Variants in CCDC183 observed in about 807,000 individuals in gnomAD.
CCDC183 encodes coiled-coil domain containing 183, also known as coiled-coil domain-containing protein 183.
Under a neutral mutation model 65.2 loss-of-function variants are expected in CCDC183, and 63 were observed. The observed-to-expected ratio is 0.97, with a 90% confidence interval of 0.79 to 1.19. The LOEUF (loss-of-function observed/expected upper bound fraction) is 1.19. CCDC183 is among the 50% of genes most tolerant of loss of function. The pLI, the probability that CCDC183 is intolerant of heterozygous loss-of-function variation, is 0.00. For missense variants in CCDC183, 769 were observed against 689.3 expected (o/e 1.12, Z -1.30); for synonymous variants, 323 against 276.5 (o/e 1.17, Z -1.67).
Position 136,807,034 on chromosome 9 carries a change from T to A in CCDC183, c.1454T>A (p.Ile485Asn), listed in dbSNP as rs76153658. 1 of 1,613,200 alleles carries A rather than the reference T, an allele frequency of 6.2e-7. No individual in the cohort carries two copies. Among genetic ancestry groups the A allele is most frequent in the African/African-American group, 1.3e-5 (1 of 74,832 alleles). ...STLMEKYNTR[I>N]SFENREEDMI... ...CTGATGGAGAAGTACAACACCAGGA[T>A]CAGCTTTGAGAACCGGGAGGAGGAT... The change falls in exon 13 of 14, where the codon ATC becomes AAC. Residue 485 changes from isoleucine (I) to asparagine (N), a missense_variant. Physicochemically the swap from Ile to Asn is moderately radical, Grantham distance 149 (BLOSUM62 -3). Coordinates refer to ENST00000338005, the MANE Select transcript of CCDC183 (RefSeq NM_001039374.5).
chr9:136,801,422 C>T (rs1043656675), intron 5 of CCDC183, among the ~76,000 whole-genome samples: 1 of 151,998 alleles, frequency 6.6e-6, no homozygotes, highest in African/African-American at 2.4e-5. Context: ...CAATTATTCC[C>T]GGCCTGGGCA....
Position 136,804,754 on chromosome 9 carries a change from C to T in CCDC183, c.793-8C>T. On this transcript the variant is annotated splice_region_variant and splice_polypyrimidine_tract_variant and intron_variant, in intron 7 of 13. Transcript: ENST00000338005. The surrounding 1 kb of genome is among the most constrained non-coding windows in gnomAD (Gnocchi z 4.1). ...TCTCATCCCTTCCCCGCCCCCACCT[C>T]CCATCAGGGCCAGATGGACTTGGAC... 6.2e-7 allele frequency: 1 copy of T among 1,613,576 alleles called. No individual in the cohort carries two copies. The highest frequency in any genetic ancestry group is 8.5e-7 in the Non-Finnish European group (1 of 1,179,672).
Position 136,800,134 on chromosome 9 carries a change from C to G in CCDC183, c.403C>G (p.Pro135Ala), listed in dbSNP as rs752641113. 3 of 1,541,456 alleles carry G rather than the reference C, an allele frequency of 1.9e-6. No individual in the cohort carries two copies. The highest frequency in any genetic ancestry group is 2.4e-5 in the East Asian group (1 of 41,134). ...GGAGCTGGACAGCCTGCGGAGCCAG[C>G]CCGACGCCAGCAAGGAGGAGCTGCG... ...QLELDSLRSQ[P>A]DASKEELRLL... The change falls in exon 4 of 14, where the codon CCC becomes GCC. Residue 135 changes from proline to alanine, a missense_variant. Physicochemically the swap from Pro to Ala is conservative, Grantham distance 27. Transcript: ENST00000338005.
At position 136,802,808 on chromosome 9, in the gene CCDC183, G is replaced by C. The variant is rs752331775; in HGVS notation, c.666+22G>C. 4.4e-5 allele frequency: 67 copies of C among 1,534,688 alleles called. 1 individual carries two copies. The Admixed American group carries it at 4.5e-4, about 10-fold the overall frequency. ...CAAGGTGAGCTCAGGGCCCAGGGCT[G>C]GGGGCCCCCCAGGGCCAGCCCTCTT... On this transcript the variant is annotated intron_variant, in intron 6 of 13. Transcript: ENST00000338005.
rs776848585 is a variant in CCDC183, at chr9:136,807,077, C to T, written c.1486+11C>T. 4 of 1,612,156 alleles carry T rather than the reference C, an allele frequency of 2.5e-6. No homozygotes were observed. Among genetic ancestry groups the T allele is most frequent in the Non-Finnish European group, 3.4e-6 (4 of 1,179,592 alleles). The stretch of plus-strand genomic sequence containing the variant: ...AGGAGGATATGATCGGTACAGGCCC[C>T]GGAACTGGGGCCCGGGCTGCAGGCG... On this transcript the variant is annotated intron_variant, in intron 13 of 13. Coordinates refer to ENST00000338005, the MANE Select transcript of CCDC183 (RefSeq NM_001039374.5).
At chr9:136,802,527 A>G in intron 5 of CCDC183, 137 bp from the exon 6 acceptor site, 2 of 1,242,012 alleles carry the variant, frequency 1.6e-6, no homozygotes, top group South Asian at 1.5e-5. Context: ...CGTTGTGCCC[A>G]GCGGGGAGTG....
Position 136,807,727 on chromosome 9 carries a change from A to G in CCDC183, c.*37A>G, listed in dbSNP as rs1288612464. On this transcript the variant is annotated 3_prime_UTR_variant, in exon 14 of 14. Coordinates refer to ENST00000338005, the MANE Select transcript of CCDC183 (RefSeq NM_001039374.5). ...CGCTCCCTGCTTTGCTACACAAATA[A>G]ACATTTTTCCAGGACTGCTGCGGAC... The G allele has an allele frequency of 4.5e-6, 7 of 1,571,456 alleles. No individual in the cohort carries two copies. Among genetic ancestry groups the G allele is most frequent in the Non-Finnish European group, 1.7e-6 (2 of 1,158,340 alleles).
intron 2 of CCDC183, chr9:136,799,466 G>A (rs1433882741): frequency 2.7e-6 from 2 of 749,140 alleles, no homozygotes; most frequent in Admixed American, 3.0e-5. Context: ...CCTGCAGCAG[G>A]GGCCCCCTCT....
chr9:136,802,562 G>A (rs552299105), intron 5 of CCDC183, 102 bp from the exon 6 acceptor site: 6 of 1,483,592 alleles, frequency 4.0e-6, no homozygotes, highest in South Asian at 2.7e-5. Flanking sequence ...GGCCACAGAG[G>A]AGAACCTATC....
At chr9:136,805,270 G>A in intron 8 of CCDC183, 87 bp from the exon 9 acceptor site, 1 of 1,096,656 alleles carries the variant, frequency 9.1e-7, no homozygotes. Flanking sequence ...CCCAGCAGCT[G>A]GGCAGGTACA....
rs971820692 is a variant in CCDC183 at position 136,804,277 on chromosome 9, C to T, written c.667-225C>T. The T allele has an allele frequency of 1.8e-6, 1 of 555,340 alleles. No homozygotes were observed. The highest frequency in any genetic ancestry group is 3.1e-6 in the Non-Finnish European group (1 of 319,586). 34.4% of individuals were successfully genotyped at this position (555,340 alleles called of 1,614,324 possible). ...CAGCTGGGGGCCAGCGGCTGGAGGG[C>T]AGCAGAGCGTCTGGGCTGGCACATG... On this transcript the variant is annotated intron_variant, in intron 6 of 13. Transcript: ENST00000338005. The surrounding 1 kb of genome is among the most constrained non-coding windows in gnomAD (Gnocchi z 4.1).
chr9:136,802,631 G>A (rs757756033), intron 5 of CCDC183, 33 bp from the exon 6 acceptor site: 68 of 1,589,848 alleles, frequency 4.3e-5, no homozygotes, highest in Non-Finnish European at 5.6e-5. Flanking sequence ...AGCCCACTCT[G>A]TAGGGGCCAC....
chr9:136,802,665 T>C lies in CCDC183; in HGVS notation c.545T>C (p.Val182Ala). The change falls in exon 6 of 14, where the codon GTG becomes GCG. Residue 182 changes from valine (V) to alanine (A), a missense_variant and splice_region_variant. Physicochemically the swap from Val to Ala is moderately conservative, Grantham distance 64 (BLOSUM62 0). Coordinates refer to ENST00000338005, the MANE Select transcript of CCDC183 (RefSeq NM_001039374.5). ...YLDLLDYLKT[V>A]LAGYPIELDK... ...ACAAGAGAACCCCATTCAACACAGG[T>C]GCTGGCAGGATACCCCATTGAGCTG... is the stretch of plus-strand genomic sequence containing the variant. 1 of 1,610,368 alleles carries C rather than the reference T, an allele frequency of 6.2e-7. No homozygotes were observed. The highest frequency in any genetic ancestry group is 8.5e-7 in the Non-Finnish European group (1 of 1,178,434).
At chr9:136,797,915 G>T (rs1158598357) in intron 1 of CCDC183, among the ~76,000 whole-genome samples, 1 of 152,226 alleles carries the variant, frequency 6.6e-6, no homozygotes, top group Non-Finnish European at 1.5e-5. Context: ...CCACCTCCCG[G>T]GTTCGAGCGA....
intron 1 of CCDC183, among the ~76,000 whole-genome samples, chr9:136,798,511 G>A (rs895739559): frequency 6.6e-6 from 1 of 151,928 alleles, no homozygotes; most frequent in Non-Finnish European, 1.5e-5. Context: ...TGGCCAGGCT[G>A]GTCTCGAACT....
At chr9:136,799,521 C>A in intron 2 of CCDC183, 192 bp from the exon 3 acceptor site, 1 of 669,414 alleles carries the variant, frequency 1.5e-6, no homozygotes. Flanking sequence ...CCTCTGCATA[C>A]CCCCCTACCA....
Position 136,804,234 on chromosome 9 carries a change from G to A in CCDC183, c.667-268G>A, listed in dbSNP as rs1473635452. ...CTGAATGCACTTCCGTGAGTTCTAGGTGGACCTGGCCAGGAGGCAGCTGGG... is the reference window on the plus strand; with the variant it reads ...CTGAATGCACTTCCGTGAGTTCTAGATGGACCTGGCCAGGAGGCAGCTGGG... On this transcript the variant is annotated intron_variant, in intron 6 of 13. Transcript: ENST00000338005. The surrounding 1 kb of genome is among the most constrained non-coding windows in gnomAD (Gnocchi z 4.1). 1 of 464,718 alleles carries A rather than the reference G, an allele frequency of 2.2e-6. No individual in the cohort carries two copies. Among genetic ancestry groups the A allele is most frequent in the Non-Finnish European group, 4.0e-6 (1 of 252,402 alleles). 28.8% of individuals were successfully genotyped at this position (464,718 alleles called of 1,614,324 possible). A position where few individuals can be genotyped will look rare whatever the true frequency, so the allele number is the denominator to read the frequency against.
chr9:136,806,314 C>T, intron 10 of CCDC183, 76 bp downstream of exon 10: 2 of 1,481,662 alleles, frequency 1.3e-6, no homozygotes, highest in South Asian at 2.6e-5. Flanking sequence ...AGGCTGGGAG[C>T]TGGGAGTATA....
intron 5 of CCDC183, 55 bp from the exon 6 acceptor site, chr9:136,802,609 C>G: frequency 6.5e-7 from 1 of 1,546,804 alleles, no homozygotes; most frequent in Non-Finnish European, 8.7e-7. Flanking sequence ...GATAAAAGCT[C>G]GGGGCAACTG....
Sources: gnomAD v4.1 joint callset for allele counts (sites outside exome capture counted in the v4.1 genomes callset) on GRCh38, gnomAD v4.1.1 for gene constraint, Gnocchi (gnomAD v3.1) non-coding constraint, MANE v1.5 for transcripts, NCBI Gene and HGNC (gene_info 2026-07-23, HGNC 2026-07-21) for gene names.